PTPRA: variants seen among roughly 807,000 people sequenced by gnomAD.
PTPRA encodes the protein protein tyrosine phosphatase receptor type A.
A neutral mutation model predicts 104.8 loss-of-function variants in PTPRA; 25 were observed. The ratio of observed to expected loss-of-function variants is 0.24; its 90% confidence interval spans 0.17 to 0.33. The LOEUF (loss-of-function observed/expected upper bound fraction) is 0.33. Among genes scored for constraint, PTPRA ranks in the 10% least tolerant of loss-of-function variants. The probability of loss-of-function intolerance (pLI) is 1.00; values close to 1 mark genes in which losing one functional copy is unlikely to be tolerated. For missense variants in PTPRA, 765 were observed against 1,015.3 expected, an observed-to-expected ratio of 0.75 and a Z score of 3.35; for synonymous variants, 323 against 368.9, an observed-to-expected ratio of 0.88 and a Z score of 1.43.
intron 13 of PTPRA, among the ~76,000 whole-genome samples, chr20:3,018,759 G>C (rs1352912988): frequency 2.0e-5 from 3 of 149,606 alleles, no homozygotes; most frequent in South Asian, 2.2e-4. Context: ...CAGACGGGGT[G>C]GTGGCCGGGC....
At chr20:2,967,185 G>A (rs2061977124) in intron 5 of PTPRA, among the ~76,000 whole-genome samples, 1 of 152,178 alleles carries the variant, frequency 6.6e-6, no homozygotes, top group South Asian at 2.1e-4. Context: ...CACTCTGCTT[G>A]TAGGGAACTT....
At chr20:2,901,620 T>C (rs2059240872) in intron 1 of PTPRA, among the ~76,000 whole-genome samples, 1 of 152,178 alleles carries the variant, frequency 6.6e-6, no homozygotes, top group South Asian at 2.1e-4. Context: ...ACTTATGTTA[T>C]ATTGTTACTT....
chr20:2,922,334 T>TATTG (rs774607791), intron 1 of PTPRA, among the ~76,000 whole-genome samples: 51 of 152,216 alleles, frequency 3.4e-4, no homozygotes, highest in Middle Eastern at 3.4e-3. Context: ...AGGGCTGTTT[T>TATTG]ATTGATTGAT....
At chr20:2,939,126 C>G (rs1290695607) in intron 2 of PTPRA, among the ~76,000 whole-genome samples, 1 of 152,178 alleles carries the variant, frequency 6.6e-6, no homozygotes, top group Admixed American at 6.5e-5. Flanking sequence ...TACCGAAAGG[C>G]CAGTCTGAAA....
chr20:3,009,973 C>G (rs1378700106), intron 11 of PTPRA, among the ~76,000 whole-genome samples: 1 of 151,902 alleles, frequency 6.6e-6, no homozygotes, highest in Non-Finnish European at 1.5e-5. Flanking sequence ...CTTAGCCTCC[C>G]TAGTAGCCAG....
intron 8 of PTPRA, 102 bp from the exon 9 acceptor site, chr20:2,988,236 G>A: frequency 6.5e-7 from 1 of 1,534,426 alleles, no homozygotes; most frequent in Non-Finnish European, 8.8e-7. Flanking sequence ...AACAGTCCTA[G>A]TTCTTACAGG....
Position 2,975,122 on chromosome 20 carries a change from C to G in PTPRA, c.416-93C>G, listed in dbSNP as rs1292558877. ...GGATGCCTCATGGAGGAAAGCATTC[C>G]TAATCCTGGAGCTTGTTTTGTTGTA... On this transcript the variant is annotated intron_variant, in intron 5 of 23. Coordinates refer to ENST00000399903, the MANE Select transcript of PTPRA (RefSeq NM_001385305.1). 1.8e-5 allele frequency: 21 copies of G among 1,152,894 alleles called. No homozygotes were observed. In the East Asian group the frequency reaches 5.3e-4, roughly 29 times the overall value. The allele number at this position is 1,152,894 out of a possible 1,614,324, so 71.4% of individuals were successfully genotyped here.
chr20:2,907,520 C>A (rs1379333782), intron 1 of PTPRA, among the ~76,000 whole-genome samples: 1 of 152,152 alleles, frequency 6.6e-6, no homozygotes, highest in Non-Finnish European at 1.5e-5. Flanking sequence ...ACATGAATAA[C>A]CACCTTACAT....
intron 11 of PTPRA, among the ~76,000 whole-genome samples, chr20:3,011,156 A>G (rs530809952): frequency 6.6e-6 from 1 of 152,330 alleles, no homozygotes; most frequent in East Asian, 1.9e-4. Context: ...TAATGCCTTG[A>G]TGGTTATTAG....
chr20:3,018,758 TGGTGGC>T, intron 13 of PTPRA, among the ~76,000 whole-genome samples: 1 of 146,096 alleles, frequency 6.8e-6, no homozygotes, highest in South Asian at 2.3e-4. Context: ...CCAGACGGGG[TGGTGGC>T]CGGGCAGAGG....
intron 13 of PTPRA, among the ~76,000 whole-genome samples, chr20:3,019,935 G>T (rs1175256460): frequency 6.6e-6 from 1 of 151,830 alleles, no homozygotes; most frequent in African/African-American, 2.4e-5. Flanking sequence ...CCAGTCAGGC[G>T]TGGCGGCGCG....
chr20:2,909,991 ATATATAATC>A (rs1240832263), intron 1 of PTPRA, among the ~76,000 whole-genome samples: 77 of 81,726 alleles, frequency 9.4e-4, no homozygotes, highest in African/African-American at 3.6e-3. Flanking sequence ...CATATATCAT[ATATATAATC>A]TATCATATAT....
intron 14 of PTPRA, 76 bp from the exon 15 acceptor site, chr20:3,021,978 G>A (rs1310741572): frequency 3.0e-5 from 46 of 1,554,422 alleles, no homozygotes; most frequent in Non-Finnish European, 3.5e-6. Flanking sequence ...GACAACCACA[G>A]CTGTCACCTT....
At chr20:2,871,962 C>A (rs926691903), upstream of PTPRA, among the ~76,000 whole-genome samples, 13 of 152,350 alleles carry the variant, frequency 8.5e-5, no homozygotes, top group Admixed American at 7.2e-4. Context: ...GGGGAGGGGA[C>A]GGCCTGAGGC....
Position 2,965,059 on chromosome 20 carries a change from C to A in PTPRA, c.272C>A (p.Thr91Lys). ...GACTCTGACAATGGGACCACAAGAA[C>A]AGCAAGCACCAATTCTATAGGCATT... is the stretch of plus-strand genomic sequence containing the variant. The part of the protein sequence containing the change: ...SSDSDNGTTR[T>K]ASTNSIGITI... Residue 91 changes from threonine to lysine, a missense_variant, in exon 5 of 24, where the codon ACA becomes AAA. This residue lies in a region of PTPRA where 256 missense variants were observed against 248.9 expected (regional missense o/e 1.03). Coordinates refer to ENST00000399903, the MANE Select transcript of PTPRA (RefSeq NM_001385305.1). 1 of 1,614,048 alleles carries A rather than the reference C, an allele frequency of 6.2e-7. No individual in the cohort carries two copies. Among genetic ancestry groups the A allele is most frequent in the South Asian group, 1.1e-5 (1 of 91,078 alleles).
chr20:2,987,983 C>G (rs1600217949), intron 7 of PTPRA, 49 bp from the exon 8 acceptor site: 1 of 1,439,730 alleles, frequency 6.9e-7, no homozygotes, highest in Admixed American at 1.7e-5. Context: ...TGTGATTTGC[C>G]TCTCCCACCT....
intron 4 of PTPRA, among the ~76,000 whole-genome samples, chr20:2,964,646 C>G (rs2061880082): frequency 6.6e-6 from 1 of 152,088 alleles, no homozygotes; most frequent in African/African-American, 2.4e-5. Flanking sequence ...AGTGAAGAAT[C>G]TTGTGTCTTT....
intron 1 of PTPRA, among the ~76,000 whole-genome samples, chr20:2,901,091 C>T (rs1279478424): frequency 6.6e-6 from 1 of 151,988 alleles, no homozygotes; most frequent in Non-Finnish European, 1.5e-5. Context: ...CTGCCTCAGC[C>T]TCCAGAGTAG....
At chr20:3,001,629 G>A (rs946892690) in intron 9 of PTPRA, among the ~76,000 whole-genome samples, 3 of 152,154 alleles carry the variant, frequency 2.0e-5, no homozygotes, top group African/African-American at 7.2e-5. Context: ...GCAAACTGTG[G>A]GTGAACTGAG....
Sources: gnomAD v4.1 joint callset for allele counts (sites outside exome capture counted in the v4.1 genomes callset) on GRCh38, gnomAD v4.1.1 for gene constraint, gnomAD v4.1.1 regional missense constraint, MANE v1.5 for transcripts, NCBI Gene and HGNC (gene_info 2026-07-23, HGNC 2026-07-21) for gene names.